Variants in PDE10A observed in about 807,000 individuals in gnomAD.
The protein encoded by PDE10A is cAMP and cAMP-inhibited cGMP 3',5'-cyclic phosphodiesterase 10A.
A neutral mutation model predicts 97.7 loss-of-function variants in PDE10A; 39 were observed. The ratio of observed to expected loss-of-function variants is 0.40; its 90% confidence interval spans 0.31 to 0.52. The LOEUF is 0.52. Ranked by LOEUF, PDE10A falls within the 20% of genes least tolerant of loss-of-function variation. The pLI is 0.56. For missense variants in PDE10A, 731 were observed against 1,047.8 expected, an observed-to-expected ratio of 0.70 and a Z score of 4.17; for synonymous variants, 371 against 376.8, an observed-to-expected ratio of 0.98 and a Z score of 0.18.
chr6:165,720,868 T>C (rs1353078992), intron 1 of PDE10A, among the ~76,000 whole-genome samples: 2 of 152,216 alleles, frequency 1.3e-5, no homozygotes, highest in Non-Finnish European at 2.9e-5. Flanking sequence ...AGGCCATATA[T>C]GGAGTTTTGT....
At chr6:165,333,274 C>CA (rs1461561926) in intron 21 of PDE10A, 147 bp from the exon 22 acceptor site, 1 of 622,980 alleles carries the variant, frequency 1.6e-6, no homozygotes, top group African/African-American at 1.8e-5. Context: ...ACGACGTGGC[C>CA]AGGCAGGTTC....
intron 10 of PDE10A, among the ~76,000 whole-genome samples, chr6:165,425,080 A>G (rs1174075176): frequency 6.6e-6 from 1 of 152,154 alleles, no homozygotes; most frequent in Non-Finnish European, 1.5e-5. Context: ...AACACAAAGA[A>G]ATAAGTACTG....
At chr6:165,680,353 G>A (rs1268342207) in intron 1 of PDE10A, among the ~76,000 whole-genome samples, 1 of 152,190 alleles carries the variant, frequency 6.6e-6, no homozygotes, top group Non-Finnish European at 1.5e-5. Flanking sequence ...CAACCTCCAC[G>A]GAGGAAACAA....
At chr6:165,653,022 T>C (rs993113541) in intron 1 of PDE10A, among the ~76,000 whole-genome samples, 2 of 152,188 alleles carry the variant, frequency 1.3e-5, no homozygotes, top group African/African-American at 4.8e-5. Flanking sequence ...AAGCCCTGGG[T>C]CACTGGTGCC....
At chr6:165,892,853 T>G (rs1040515569) in intron 1 of PDE10A, among the ~76,000 whole-genome samples, 1 of 152,196 alleles carries the variant, frequency 6.6e-6, no homozygotes, top group Non-Finnish European at 1.5e-5. Flanking sequence ...AGGCTGACCA[T>G]GAACTTGAGA....
At position 165,790,638 on chromosome 6, in the gene PDE10A, G is replaced by A. The variant is rs1322536659; in HGVS notation, c.-615+196891C>T. On this transcript the variant is annotated intron_variant, in intron 1 of 19. Transcript: ENST00000366882. ...CGGTTTATCAGATGGCTCTGGGGAT[G>A]TTTCCTAATGGGCTGTGTTGAGACC... 2.6e-5 allele frequency among the ~76,000 whole-genome samples: 4 copies of A among 152,062 alleles called. 1 individual carries two copies. Among genetic ancestry groups the A allele is most frequent in the South Asian group, 4.2e-4 (2 of 4,816 alleles).
chr6:165,523,080 T>C (rs1782226740), intron 2 of PDE10A, among the ~76,000 whole-genome samples: 1 of 151,654 alleles, frequency 6.6e-6, no homozygotes, highest in Non-Finnish European at 1.5e-5. Context: ...AAGTGAAAGA[T>C]AGCTACAAAG....
At chr6:165,855,414 A>G (rs978253816) in intron 1 of PDE10A, among the ~76,000 whole-genome samples, 2 of 151,218 alleles carry the variant, frequency 1.3e-5, no homozygotes, top group African/African-American at 4.9e-5. Context: ...GTCTGCCCAG[A>G]CATGGCCGGG....
intron 1 of PDE10A, among the ~76,000 whole-genome samples, chr6:165,544,139 A>G (rs1171091807): frequency 6.6e-6 from 1 of 152,204 alleles, no homozygotes; most frequent in Non-Finnish European, 1.5e-5. Flanking sequence ...CTGAAACATT[A>G]TAGGTGCTAC....
chr6:165,860,966 G>A (rs913010552), intron 1 of PDE10A, among the ~76,000 whole-genome samples: 2 of 152,202 alleles, frequency 1.3e-5, no homozygotes, highest in Admixed American at 6.5e-5. Context: ...ATCCTGGCAG[G>A]GATGATTCAC....
chr6:165,526,804 G>C (rs1333230799), intron 2 of PDE10A, among the ~76,000 whole-genome samples: 3 of 152,168 alleles, frequency 2.0e-5, no homozygotes, highest in Admixed American at 2.0e-4. Flanking sequence ...CTGTCCATAA[G>C]GCCCAGCAGA....
At chr6:165,431,633 T>TACAC (rs143884002) in intron 7 of PDE10A, among the ~76,000 whole-genome samples, 161 bp from the exon 8 acceptor site, 14 of 147,984 alleles carry the variant, frequency 9.5e-5, no homozygotes, top group African/African-American at 3.0e-4. Flanking sequence ...TATATATATA[T>TACAC]ATACACACAC....
At chr6:165,540,001 A>G (rs1423946248) in intron 2 of PDE10A, among the ~76,000 whole-genome samples, 1 of 152,194 alleles carries the variant, frequency 6.6e-6, no homozygotes, top group Admixed American at 6.5e-5. Context: ...ACAGAAGCAT[A>G]AAAATAGCTC....
chr6:165,479,533 G>T (rs945474676), intron 3 of PDE10A, among the ~76,000 whole-genome samples: 2 of 152,050 alleles, frequency 1.3e-5, no homozygotes, highest in Non-Finnish European at 2.9e-5. Flanking sequence ...AAGCCAATAA[G>T]CACCCTCTGA....
chr6:165,844,705 G>A (rs547273830), intron 1 of PDE10A, among the ~76,000 whole-genome samples: 84 of 152,110 alleles, frequency 5.5e-4, no homozygotes, highest in Non-Finnish European at 9.4e-4. Context: ...TATTTTTCCC[G>A]ATGCTTATTT....
At chr6:165,830,796 C>T (rs1779888984) in intron 1 of PDE10A, among the ~76,000 whole-genome samples, 1 of 152,118 alleles carries the variant, frequency 6.6e-6, no homozygotes, top group Non-Finnish European at 1.5e-5. Context: ...TTTCTTGTGC[C>T]AATAACACAC....
chr6:165,927,728 T>C (rs77484921), intron 1 of PDE10A, among the ~76,000 whole-genome samples: 2 of 145,746 alleles, frequency 1.4e-5, no homozygotes, highest in Admixed American at 1.4e-4. Flanking sequence ...GAGGAGTCTC[T>C]CTCTGTTGCC....
rs535309923 is a variant in PDE10A, at chr6:165,685,349, T to C, written c.-614-141781A>G. On this transcript the variant is annotated intron_variant, in intron 1 of 19. Coordinates refer to the PDE10A transcript ENST00000366882. ...TGGTGGCTTGTGCAGATGAGTCAAA[T>C]GGAAAGGCTATTAAATGCATCCTTC... Among the ~76,000 whole-genome samples the C allele has an allele frequency of 3.9e-5, 6 of 151,998 alleles. No individual in the cohort carries two copies. In the South Asian group the frequency reaches 1.2e-3, roughly 32 times the overall value.
rs1178234205 is a variant in PDE10A, at chr6:165,619,156, A to AGTCTAGTGTC, written c.865+42790_865+42791insGACACTAGAC. On this transcript the variant is annotated intron_variant, in intron 1 of 21. Coordinates refer to ENST00000539869, the MANE Select transcript of PDE10A (RefSeq NM_001385079.1). ...AGTGTAGTGTAGTCTAGTGTCGTGT[A>AGTCTAGTGTC]GTGTAGTGTAGTGTAGTCTAGTGTA... 1.3e-4 allele frequency among the ~76,000 whole-genome samples: 19 copies of AGTCTAGTGTC among 147,790 alleles called. 1 individual carries two copies. The Middle Eastern group carries it at 9.9e-3, about 77-fold the overall frequency.
Sources: allele counts gnomAD v4.1 joint callset (sites outside exome capture counted in the v4.1 genomes callset), GRCh38; gene constraint gnomAD v4.1.1; transcripts MANE v1.5; gene names NCBI Gene and HGNC (gene_info 2026-07-23, HGNC 2026-07-21).